Variants in IQCM observed in about 807,000 individuals in gnomAD.
IQCM encodes IQ domain-containing protein M.
A neutral mutation model predicts 57.6 loss-of-function variants in IQCM; 45 were observed. That is an observed-to-expected ratio of 0.78 (90% CI 0.62 to 1.00). The LOEUF (loss-of-function observed/expected upper bound fraction) is 1.00, where lower values mean the gene tolerates loss of function less well. Among genes scored for constraint, IQCM ranks in the 50% least tolerant of loss-of-function variants. The pLI is 0.00. For missense variants in IQCM, 468 were observed against 511.6 expected (o/e 0.91, Z 0.82); for synonymous variants, 148 against 158.9 (o/e 0.93, Z 0.51).
At chr4:149,524,523 A>C (rs1394668710) in intron 12 of IQCM, among the ~76,000 whole-genome samples, 1 of 152,042 alleles carries the variant, frequency 6.6e-6, no homozygotes, top group Non-Finnish European at 1.5e-5. Flanking sequence ...ACACCAAAAA[A>C]ATTAGGAGAA....
chr4:149,712,375 A>G (rs1459162965), intron 5 of IQCM, among the ~76,000 whole-genome samples: 1 of 152,012 alleles, frequency 6.6e-6, no homozygotes, highest in Non-Finnish European at 1.5e-5. Flanking sequence ...CACACAACAC[A>G]CATACACACA....
chr4:149,637,162 G>GAAAA (rs1021089498), intron 7 of IQCM, among the ~76,000 whole-genome samples: 3 of 99,450 alleles, frequency 3.0e-5, no homozygotes, highest in Non-Finnish European at 4.2e-5. Context: ...AAAAAAAAAA[G>GAAAA]AAAAAAAAAA....
At chr4:149,376,644 T>C (rs972920856) in intron 13 of IQCM, among the ~76,000 whole-genome samples, 6 of 152,156 alleles carry the variant, frequency 3.9e-5, no homozygotes, top group Non-Finnish European at 7.3e-5. Context: ...ACTGGTCCTT[T>C]AGTATAGGAG....
chr4:149,766,954 T>C (rs2149978325), intron 2 of IQCM, among the ~76,000 whole-genome samples: 1 of 152,204 alleles, frequency 6.6e-6, no homozygotes, highest in East Asian at 1.9e-4. Context: ...TAATCATATT[T>C]TTTCCTTACT....
chr4:149,566,779 A>T (rs1232038403), intron 9 of IQCM, among the ~76,000 whole-genome samples: 3 of 152,204 alleles, frequency 2.0e-5, no homozygotes, highest in Admixed American at 6.5e-5. Context: ...TCTCTAGATA[A>T]TTGGAATGTT....
At chr4:149,642,877 A>T (rs910835302) in intron 7 of IQCM, among the ~76,000 whole-genome samples, 10 of 152,210 alleles carry the variant, frequency 6.6e-5, no homozygotes, top group East Asian at 3.9e-4. Flanking sequence ...TACTTTTTTT[A>T]AAAAAATTGT....
rs918019390 is a variant in IQCM, at chr4:149,752,293, T to C, written c.-48-9554A>G. Among the ~76,000 whole-genome samples the C allele has an allele frequency of 4.6e-5, 7 of 152,292 alleles. No homozygotes were observed. The South Asian group carries it at 1.4e-3, about 32-fold the overall frequency. ...AGGCCAGGCACGGGTGGCTCACGCC[T>C]GTAATCCCAGCACTTTGGGAGGCTG... On this transcript the variant is annotated intron_variant, in intron 2 of 13. Transcript: ENST00000636793.
At chr4:149,694,078 T>C (rs1008318412) in intron 5 of IQCM, among the ~76,000 whole-genome samples, 3 of 152,180 alleles carry the variant, frequency 2.0e-5, no homozygotes, top group African/African-American at 7.2e-5. Context: ...ACCCAGCACA[T>C]TCAACAAACA....
At chr4:149,633,277 A>G (rs961021843) in intron 7 of IQCM, among the ~76,000 whole-genome samples, 1 of 152,134 alleles carries the variant, frequency 6.6e-6, no homozygotes, top group Non-Finnish European at 1.5e-5. Context: ...CAATGTTTAC[A>G]ATTATTGGAT....
intron 7 of IQCM, among the ~76,000 whole-genome samples, chr4:149,631,974 T>C (rs1757304348): frequency 1.3e-5 from 2 of 152,188 alleles, no homozygotes; most frequent in South Asian, 4.1e-4. Context: ...CCAGTTTGGT[T>C]TCTACACCAC....
chr4:149,370,339 AC>A (rs1487031399), intron 13 of IQCM, among the ~76,000 whole-genome samples: 4 of 152,198 alleles, frequency 2.6e-5, no homozygotes, highest in Non-Finnish European at 4.4e-5. Context: ...AATGAAAATA[AC>A]AGAACCTACC....
chr4:149,359,618 T>G (rs1729332706), intron 13 of IQCM, among the ~76,000 whole-genome samples: 1 of 152,192 alleles, frequency 6.6e-6, no homozygotes, highest in Non-Finnish European at 1.5e-5. Flanking sequence ...AATACACGAT[T>G]TACAGGCTGG....
intron 12 of IQCM, among the ~76,000 whole-genome samples, chr4:149,484,595 T>C (rs545956775): frequency 2.6e-5 from 4 of 152,040 alleles, no homozygotes; most frequent in Admixed American, 6.6e-5. Flanking sequence ...AATTAAAAAC[T>C]CTACACTTTA....
At chr4:149,534,264 T>G (rs375513221) in intron 12 of IQCM, among the ~76,000 whole-genome samples, 1 of 152,162 alleles carries the variant, frequency 6.6e-6, no homozygotes, top group African/African-American at 2.4e-5. Context: ...ATGCACACTA[T>G]AAATTGTAGG....
chr4:149,467,579 T>C (rs1738992350), intron 12 of IQCM, among the ~76,000 whole-genome samples: 1 of 152,168 alleles, frequency 6.6e-6, no homozygotes, highest in Non-Finnish European at 1.5e-5. Flanking sequence ...AAGACCTCTT[T>C]TAAAAGGTAA....
chr4:149,581,665 C>T (rs1384290299), intron 9 of IQCM, among the ~76,000 whole-genome samples: 1 of 151,672 alleles, frequency 6.6e-6, no homozygotes, highest in Non-Finnish European at 1.5e-5. Context: ...AGTTGATCTA[C>T]AGGGTCTAGG....
chr4:149,403,472 A>G (rs1223466877), intron 13 of IQCM, among the ~76,000 whole-genome samples: 1 of 152,002 alleles, frequency 6.6e-6, no homozygotes, highest in Non-Finnish European at 1.5e-5. Context: ...TCCATCGTAA[A>G]GATGCTGAGT....
At chr4:149,413,699 T>C (rs137984277) in intron 13 of IQCM, among the ~76,000 whole-genome samples, 1 of 152,326 alleles carries the variant, frequency 6.6e-6, no homozygotes, top group African/African-American at 2.4e-5. Flanking sequence ...TTCTCTGTTT[T>C]TGAAATATTT....
intron 7 of IQCM, among the ~76,000 whole-genome samples, chr4:149,671,152 A>G (rs951508260): frequency 2.0e-5 from 3 of 151,978 alleles, no homozygotes; most frequent in African/African-American, 7.2e-5. Flanking sequence ...TATTGCCTCA[A>G]TTTCAGAGCT....
Sources: allele counts gnomAD v4.1 joint callset (sites outside exome capture counted in the v4.1 genomes callset), GRCh38; gene constraint gnomAD v4.1.1; transcripts MANE v1.5; gene names NCBI Gene and HGNC (gene_info 2026-07-23, HGNC 2026-07-21).